The following PRELID2 variants were observed in gnomAD, a reference collection of about 807,000 sequenced individuals.
PRELID2 encodes PRELI domain-containing protein 2.
PRELID2 carries 25 observed loss-of-function variants against 28.4 expected under a neutral mutation model. The ratio of observed to expected loss-of-function variants is 0.88; its 90% CI spans 0.64 to 1.23. PRELID2 has a LOEUF of 1.23. PRELID2 is among the 50% of genes most tolerant of loss of function. The probability of loss-of-function intolerance (pLI) is 0.00; values close to 1 mark genes in which losing one functional copy is unlikely to be tolerated. For missense variants in PRELID2, 201 were observed against 214.4 expected (o/e 0.94, Z 0.39); for synonymous variants, 76 against 71.6 (o/e 1.06, Z -0.31).
intron 1 of PRELID2, among the ~76,000 whole-genome samples, chr5:145,474,336 T>C (rs979748069): frequency 6.6e-6 from 1 of 152,202 alleles, no homozygotes; most frequent in Non-Finnish European, 1.5e-5. Flanking sequence ...GCCATAATCA[T>C]TTTATAAAAC....
intron 4 of PRELID2, among the ~76,000 whole-genome samples, chr5:145,816,068 TTG>T (rs1324649201): frequency 6.6e-6 from 1 of 151,346 alleles, no homozygotes; most frequent in Non-Finnish European, 1.5e-5. Context: ...ATCCTTGTTA[TTG>T]TGTGTCTTTT....
At chr5:145,385,741 A>G in the PRELID2 span, among the ~76,000 whole-genome samples, 1 of 152,198 alleles carries the variant, frequency 6.6e-6, no homozygotes, top group Non-Finnish European at 1.5e-5. Flanking sequence ...GATGTTCTTT[A>G]GAAGTGGACT....
At chr5:145,629,005 G>T (rs546388263) in intron 1 of PRELID2, among the ~76,000 whole-genome samples, 1 of 152,166 alleles carries the variant, frequency 6.6e-6, no homozygotes, top group Non-Finnish European at 1.5e-5. Context: ...AATTTGCTTC[G>T]CCTGAGCTGG....
chr5:145,628,243 C>T (rs1324887382), intron 1 of PRELID2, among the ~76,000 whole-genome samples: 1 of 152,118 alleles, frequency 6.6e-6, no homozygotes, highest in Non-Finnish European at 1.5e-5. Context: ...AACCCATCTG[C>T]CCACCCCTCA....
At chr5:145,671,033 T>C (rs907506556) in intron 1 of PRELID2, among the ~76,000 whole-genome samples, 2 of 152,144 alleles carry the variant, frequency 1.3e-5, no homozygotes, top group African/African-American at 2.4e-5. Flanking sequence ...TTTCACAAGA[T>C]TTTCATAGGT....
At chr5:145,285,346 A>G in the PRELID2 span, among the ~76,000 whole-genome samples, 1 of 152,166 alleles carries the variant, frequency 6.6e-6, no homozygotes, top group African/African-American at 2.4e-5. Context: ...TAAAGATAGC[A>G]CTAAGAATAG....
chr5:145,267,730 C>T, the PRELID2 span, among the ~76,000 whole-genome samples: 1 of 152,114 alleles, frequency 6.6e-6, no homozygotes, highest in Non-Finnish European at 1.5e-5. Flanking sequence ...GGGAAACTTT[C>T]AAACTGCTCT....
chr5:145,766,166 G>A (rs1285241906), intron 5 of PRELID2, among the ~76,000 whole-genome samples: 1 of 152,130 alleles, frequency 6.6e-6, no homozygotes, highest in Non-Finnish European at 1.5e-5. Flanking sequence ...AGGTCTCCAG[G>A]ACATCAAAGT....
intron 1 of PRELID2, among the ~76,000 whole-genome samples, chr5:145,595,744 A>T (rs2149634129): frequency 6.6e-6 from 1 of 152,312 alleles, no homozygotes; most frequent in Middle Eastern, 3.4e-3. Context: ...CATCATCAAA[A>T]GTTGTATTCC....
chr5:145,312,700 T>C, the PRELID2 span, among the ~76,000 whole-genome samples: 1 of 152,208 alleles, frequency 6.6e-6, no homozygotes, highest in Non-Finnish European at 1.5e-5. Flanking sequence ...TTTTCTTTTT[T>C]TAAGGCTGAA....
the PRELID2 span, among the ~76,000 whole-genome samples, chr5:145,317,011 C>A: frequency 2.0e-5 from 3 of 152,180 alleles, no homozygotes; most frequent in African/African-American, 7.2e-5. Context: ...TCCTGCACTT[C>A]TGTAATCCAC....
rs143655941 is a variant in PRELID2, at chr5:145,814,622, C to T, written c.368+3272G>A. ...GGCTTAAGAATGGATTTTAAATTTT[C>T]GGTTTATAGTTGTTTGGGCTTGAGG... On this transcript the variant is annotated intron_variant, in intron 4 of 6. Coordinates refer to ENST00000683046, the MANE Select transcript of PRELID2 (RefSeq NM_205846.3). Among the ~76,000 whole-genome samples the T allele has an allele frequency of 7.0e-3, 1,059 of 152,106 alleles. 14 individuals carry two copies. Among genetic ancestry groups the T allele is most frequent in the African/African-American group, 0.024 (1,003 of 41,490 alleles).
At chr5:145,688,784 G>A (rs1270854417) in intron 1 of PRELID2, among the ~76,000 whole-genome samples, 3 of 152,194 alleles carry the variant, frequency 2.0e-5, no homozygotes, top group African/African-American at 4.8e-5. Context: ...AAATCAGGCA[G>A]GAGGCAAAGG....
At chr5:145,334,174 G>A in the PRELID2 span, among the ~76,000 whole-genome samples, 1 of 152,172 alleles carries the variant, frequency 6.6e-6, no homozygotes, top group South Asian at 2.1e-4. Context: ...CCCACTTTCT[G>A]TGTTGATCTC....
intron 1 of PRELID2, among the ~76,000 whole-genome samples, chr5:145,523,997 C>G (rs1445650265): frequency 6.6e-6 from 1 of 152,194 alleles, no homozygotes; most frequent in Non-Finnish European, 1.5e-5. Flanking sequence ...CTGCTAACGT[C>G]TTTAGAAATC....
intron 1 of PRELID2, among the ~76,000 whole-genome samples, chr5:145,828,196 A>G (rs1183980556): frequency 3.3e-5 from 5 of 152,204 alleles, no homozygotes; most frequent in Non-Finnish European, 2.9e-5. Flanking sequence ...CATCTGTAAA[A>G]TGAGAATAAA....
intron 1 of PRELID2, among the ~76,000 whole-genome samples, chr5:145,555,482 T>C (rs190192744): frequency 3.9e-5 from 6 of 152,310 alleles, no homozygotes; most frequent in East Asian, 1.9e-4. Context: ...TAGCCTAAAG[T>C]AGTTTTACTA....
chr5:145,707,060 T>C (rs1182536015), intron 1 of PRELID2, among the ~76,000 whole-genome samples: 2 of 152,220 alleles, frequency 1.3e-5, no homozygotes. Flanking sequence ...TCAAAGGAAA[T>C]GAGGACGTGA....
At chr5:145,582,324 A>C (rs1753114365) in intron 1 of PRELID2, among the ~76,000 whole-genome samples, 1 of 152,092 alleles carries the variant, frequency 6.6e-6, no homozygotes, top group African/African-American at 2.4e-5. Context: ...ACGGTAAAGG[A>C]AAAGCAAGGC....
Sources: gnomAD v4.1 joint callset for allele counts (sites outside exome capture counted in the v4.1 genomes callset) on GRCh38, gnomAD v4.1.1 for gene constraint, MANE v1.5 for transcripts, NCBI Gene and HGNC (gene_info 2026-07-23, HGNC 2026-07-21) for gene names.